CAV1: variants seen among roughly 807,000 people sequenced by gnomAD.
CAV1 encodes caveolin 1.
CAV1 carries 10 observed loss-of-function variants against 16.5 expected under a neutral mutation model. That is an observed-to-expected ratio of 0.61 (90% CI 0.37 to 1.03). The LOEUF (loss-of-function observed/expected upper bound fraction) is 1.03, where lower values mean the gene tolerates loss of function less well. Among genes scored for constraint, CAV1 ranks in the 50% least tolerant of loss-of-function variants. CAV1 has a pLI of 0.01. For synonymous variants in CAV1, 76 were observed against 85.1 expected (o/e 0.89, Z 0.59); for missense variants, 212 against 232.8 (o/e 0.91, Z 0.58).
intron 2 of CAV1, among the ~76,000 whole-genome samples, chr7:116,553,150 TC>T (rs1372087502): frequency 6.6e-6 from 1 of 152,182 alleles, no homozygotes; most frequent in East Asian, 1.9e-4. Flanking sequence ...AAATAAAATG[TC>T]CAGATTTTGA....
intron 2 of CAV1, among the ~76,000 whole-genome samples, chr7:116,537,028 A>AC (rs1793832745): frequency 6.6e-6 from 1 of 151,508 alleles, no homozygotes; most frequent in Non-Finnish European, 1.5e-5. Flanking sequence ...AAAAAAAAAA[A>AC]AAAAGCCATT....
chr7:116,548,697 A>T (rs1480035312), intron 2 of CAV1, among the ~76,000 whole-genome samples: 2 of 152,044 alleles, frequency 1.3e-5, no homozygotes, highest in Non-Finnish European at 2.9e-5. Context: ...GTATAGGGAG[A>T]GCTGAATGAG....
At chr7:116,543,299 A>G (rs1793976238) in intron 2 of CAV1, among the ~76,000 whole-genome samples, 1 of 152,246 alleles carries the variant, frequency 6.6e-6, no homozygotes, top group South Asian at 2.1e-4. Context: ...TCTCATCAGT[A>G]GTATTTTTAT....
intron 2 of CAV1, among the ~76,000 whole-genome samples, chr7:116,558,228 A>T (rs940266164): frequency 6.6e-6 from 1 of 152,186 alleles, no homozygotes; most frequent in Non-Finnish European, 1.5e-5. Context: ...GTTGTCTTCA[A>T]AGGCAGTTAA....
At position 116,559,125 on chromosome 7, in the gene CAV1, G is replaced by A; in HGVS notation, c.375G>A (p.Leu125=). 1.9e-6 allele frequency: 3 copies of A among 1,613,896 alleles called. No homozygotes were observed. Among genetic ancestry groups the A allele is most frequent in the Non-Finnish European group, 2.5e-6 (3 of 1,179,924 alleles). The change falls in exon 3 of 3, where the codon CTG becomes CTA. Residue 125 remains leucine, a synonymous_variant. Transcript: ENST00000341049. The part of the protein sequence containing the change: ...WGIYFAILSF[L]HIWAVVPCIK... ...TTTACTTCGCCATTCTCTCTTTCCTGCACATCTGGGCAGTTGTACCATGCA... is the reference window on the plus strand; with the variant it reads ...TTTACTTCGCCATTCTCTCTTTCCTACACATCTGGGCAGTTGTACCATGCA...
At chr7:116,558,369 T>C (rs1194287419) in intron 2 of CAV1, among the ~76,000 whole-genome samples, 1 of 152,170 alleles carries the variant, frequency 6.6e-6, no homozygotes. Flanking sequence ...CAACCTTTTG[T>C]GTGGTAGAGA....
At chr7:116,528,870 C>T (rs973854023) in intron 2 of CAV1, among the ~76,000 whole-genome samples, 1 of 151,994 alleles carries the variant, frequency 6.6e-6, no homozygotes, top group Admixed American at 6.6e-5. Context: ...CACTCTGTCA[C>T]CCAGGCTGGA....
At chr7:116,547,805 T>C (rs1225805800) in intron 2 of CAV1, among the ~76,000 whole-genome samples, 3 of 152,192 alleles carry the variant, frequency 2.0e-5, no homozygotes, top group Non-Finnish European at 4.4e-5. Flanking sequence ...CTAAACGTTT[T>C]GCATAAATTA....
intron 2 of CAV1, among the ~76,000 whole-genome samples, chr7:116,541,478 C>T (rs1043513792): frequency 5.3e-5 from 8 of 152,222 alleles, no homozygotes; most frequent in East Asian, 3.9e-4. Flanking sequence ...AGGCTGAGCA[C>T]GGTGGCTCAC....
At chr7:116,550,249 C>G (rs1290081609) in intron 2 of CAV1, among the ~76,000 whole-genome samples, 1 of 152,164 alleles carries the variant, frequency 6.6e-6, no homozygotes, top group African/African-American at 2.4e-5. Flanking sequence ...CATTTTTGCC[C>G]TCTTCCATCT....
chr7:116,555,522 G>GAAAGAAAGAAAGAA (rs1562838241), intron 2 of CAV1, among the ~76,000 whole-genome samples: 1 of 5,356 alleles, frequency 1.9e-4, no homozygotes, highest in African/African-American at 5.2e-4. Context: ...GAAAGAAAGA[G>GAAAGAAAGAAAGAA]AGAGAGAGAG....
chr7:116,538,406 T>C (rs1481658105), intron 2 of CAV1, among the ~76,000 whole-genome samples: 1 of 152,228 alleles, frequency 6.6e-6, no homozygotes, highest in Non-Finnish European at 1.5e-5. Context: ...TGTATATCTT[T>C]TCTATCTTCT....
chr7:116,526,959 C>T (rs967717778), intron 2 of CAV1: 1 of 509,282 alleles, frequency 2.0e-6, no homozygotes, highest in Non-Finnish European at 3.6e-6. Context: ...TATAACTACA[C>T]TTTTATCCTA....
chr7:116,525,268 C>G (rs1793532865), intron 1 of CAV1, 176 bp downstream of exon 1: 1 of 1,584,978 alleles, frequency 6.3e-7, no homozygotes, highest in African/African-American at 1.3e-5. Context: ...GAAGAGAAGC[C>G]AGGAATGTTT....
Position 116,559,282 on chromosome 7 carries a change from A to G in CAV1, c.532A>G (p.Ile178Val), listed in dbSNP as rs1428735955. 1.2e-6 allele frequency: 2 copies of G among 1,610,310 alleles called. No homozygotes were observed. Among genetic ancestry groups the G allele is most frequent in the African/African-American group, 2.7e-5 (2 of 74,834 alleles). Reference sequence around the variant, plus strand: ...TGTCCGCATCAACTTGCAGAAAGAAATATAAATGACATTTCAAGGATAGAA... The same window carrying G: ...TGTCCGCATCAACTTGCAGAAAGAAGTATAAATGACATTTCAAGGATAGAA... The part of the protein sequence containing the change: ...SNVRINLQKE[I>V] Residue 178 changes from isoleucine to valine, a missense_variant, in exon 3 of 3, where the codon ATA becomes GTA. Coordinates refer to ENST00000341049, the MANE Select transcript of CAV1 (RefSeq NM_001753.5).
chr7:116,551,301 A>C (rs1369158945), intron 2 of CAV1, among the ~76,000 whole-genome samples: 1 of 152,220 alleles, frequency 6.6e-6, no homozygotes, highest in African/African-American at 2.4e-5. Flanking sequence ...TTTGGTGATC[A>C]GTTTTCCAGA....
intron 2 of CAV1, among the ~76,000 whole-genome samples, chr7:116,540,830 A>G (rs559381416): frequency 6.6e-6 from 1 of 152,334 alleles, no homozygotes; most frequent in South Asian, 2.1e-4. Context: ...ACAAGAAGAT[A>G]CCAGGATAGA....
In CAV1 at chr7:116,558,938, C is replaced by T; in HGVS notation, c.196-8C>T. ...CTGTGCTCATGTTGTGTCACTTCTT[C>T]CTTTTAGATTGACTTTGAAGATGTG... On this transcript the variant is annotated splice_polypyrimidine_tract_variant and splice_region_variant and intron_variant, in intron 2 of 2. Transcript: ENST00000341049. 4 of 1,605,028 alleles carry T rather than the reference C, an allele frequency of 2.5e-6. No individual in the cohort carries two copies. Among genetic ancestry groups the T allele is most frequent in the Non-Finnish European group, 2.6e-6 (3 of 1,172,430 alleles).
At chr7:116,536,864 G>A (rs1229929471) in intron 2 of CAV1, among the ~76,000 whole-genome samples, 4 of 151,586 alleles carry the variant, frequency 2.6e-5, no homozygotes, top group South Asian at 4.2e-4. Context: ...TTAGCCGGGC[G>A]CGGTGGCGGG....
Sources: allele counts gnomAD v4.1 joint callset (sites outside exome capture counted in the v4.1 genomes callset), GRCh38; gene constraint gnomAD v4.1.1; transcripts MANE v1.5; gene names NCBI Gene and HGNC (gene_info 2026-07-23, HGNC 2026-07-21).